The following BSCL2 variants were observed in gnomAD, a reference collection of about 807,000 sequenced individuals.
The protein encoded by BSCL2 is BSCL2 lipid droplet biogenesis associated, seipin.
BSCL2 carries 41 observed loss-of-function variants against 57.4 expected under a neutral mutation model. The ratio of observed to expected loss-of-function variants is 0.71; its 90% confidence interval spans 0.56 to 0.93. BSCL2 has a LOEUF of 0.93. BSCL2 is among the 40% of genes least tolerant of loss of function. The pLI is 0.00. For synonymous variants in BSCL2, 237 were observed against 227.3 expected, an observed-to-expected ratio of 1.04 and a Z score of -0.38; for missense variants, 539 against 586.7, an observed-to-expected ratio of 0.92 and a Z score of 0.84.
chr11:62,706,778 C>T (rs1010361761), intron 1 of BSCL2: 6 of 556,216 alleles, frequency 1.1e-5, no homozygotes, highest in Non-Finnish European at 2.1e-5. Flanking sequence ...TGCGTTGTTG[C>T]GCAGGCAGAT....
chr11:62,705,270 G>C, intron 2 of BSCL2, 31 bp downstream of exon 2: 1 of 1,565,820 alleles, frequency 6.4e-7, no homozygotes, highest in Non-Finnish European at 8.7e-7. Context: ...TCCCATAGGA[G>C]TCCTCTATTT....
At position 62,705,402 on chromosome 11, in the gene BSCL2, G is replaced by A; in HGVS notation, c.303C>T (p.Thr101=). 6.2e-7 allele frequency: 1 copy of A among 1,614,228 alleles called. No individual in the cohort carries two copies. The highest frequency in any genetic ancestry group is 1.1e-5 in the South Asian group (1 of 91,084). Residue 101 remains threonine (T), a synonymous_variant, in exon 2 of 11, where the codon ACC becomes ACT. Coordinates refer to ENST00000360796, the MANE Select transcript of BSCL2 (RefSeq NM_001122955.4). ...LLLQFGVLFC[T]ILLLLWVSVF... is the part of the protein sequence containing the mutation. Reference sequence around the variant, plus strand: ...CAGACACCCAGAGCAAAAGGAGGATGGTGCAGAAGAGCACCCCAAACTGCA... The same window carrying A: ...CAGACACCCAGAGCAAAAGGAGGATAGTGCAGAAGAGCACCCCAAACTGCA...
At chr11:62,700,710 T>C (rs879908346) in intron 3 of BSCL2, among the ~76,000 whole-genome samples, 2 of 152,048 alleles carry the variant, frequency 1.3e-5, no homozygotes, top group African/African-American at 2.4e-5. Context: ...CCCAGCACTT[T>C]TGGAGGCCGA....
In BSCL2 at chr11:62,705,927, TAGAA is replaced by T. The variant is rs1286155431; in HGVS notation, c.88-314_88-311del. On this transcript the variant is annotated intron_variant, in intron 1 of 10. Transcript: ENST00000360796. The stretch of plus-strand genomic sequence containing the variant: ...CAAAGAATAAGCACCTTACGATTCT[TAGAA>T]AGAGCTTTACACACACGGTGATACT... The T allele has an allele frequency of 5.4e-5, 18 of 335,876 alleles. No individual in the cohort carries two copies. In the East Asian group the frequency reaches 6.4e-4, roughly 12 times the overall value. The allele number at this position is 335,876 out of a possible 1,614,324, so 20.8% of individuals were successfully genotyped here.
chr11:62,691,121 G>A lies in BSCL2; in HGVS notation c.1026C>T (p.Asp342=). 1.2e-6 allele frequency: 2 copies of A among 1,614,206 alleles called. No homozygotes were observed. Among genetic ancestry groups the A allele is most frequent in the African/African-American group, 1.3e-5 (1 of 75,048 alleles). Residue 342 remains aspartate, a synonymous_variant, in exon 8 of 11, where the codon GAC becomes GAT. Coordinates refer to ENST00000360796, the MANE Select transcript of BSCL2 (RefSeq NM_001122955.4). ...TTCGTTGGACTTCCTTCCGGGAATT[G>A]TCTCTTTTTCGGATGTTAACCTGTG... The part of the protein sequence containing the change: ...FSLQVNIRKR[D]NSRKEVQRRI...
At position 62,691,289 on chromosome 11, in the gene BSCL2, G is replaced by C. The variant is rs748190546; in HGVS notation, c.996C>G (p.Phe332Leu). ...CCTTGCCCCTTTCGACCTGCAAAGA[G>C]AAGCGGTGTCGGGGCCAGATGCCCC... ...VWGGIWPRHR[F>L]SLQVNIRKRD... is the part of the protein sequence containing the mutation. The change falls in exon 7 of 11, where the codon TTC becomes TTG. Residue 332 changes from phenylalanine to leucine, a missense_variant. Physicochemically the swap from Phe to Leu is conservative, Grantham distance 22 (BLOSUM62 0). Around this residue, in one of 3 missense-constraint regions of BSCL2, gnomAD observed 248 missense variants for 239.9 expected, o/e 1.03. Coordinates refer to ENST00000360796, the MANE Select transcript of BSCL2 (RefSeq NM_001122955.4). 6.2e-7 allele frequency: 1 copy of C among 1,614,166 alleles called. No individual in the cohort carries two copies. The highest frequency in any genetic ancestry group is 1.1e-5 in the South Asian group (1 of 91,086).
At chr11:62,691,779 G>A (rs899680130) in intron 6 of BSCL2, among the ~76,000 whole-genome samples, 10 of 152,140 alleles carry the variant, frequency 6.6e-5, no homozygotes, top group African/African-American at 1.4e-4. Context: ...GGCCGGACGC[G>A]GTGGCTCACG....
chr11:62,696,437 G>A (rs576577169), intron 3 of BSCL2, among the ~76,000 whole-genome samples: 84 of 151,238 alleles, frequency 5.6e-4, no homozygotes, highest in African/African-American at 2.0e-3. Context: ...GGGACCATAC[G>A]GACTATAGGC....
chr11:62,696,313 T>TGTGTGTGA (rs925519812), intron 3 of BSCL2, among the ~76,000 whole-genome samples: 1 of 151,304 alleles, frequency 6.6e-6, no homozygotes, highest in Non-Finnish European at 1.5e-5. Context: ...TGTGTGTGTG[T>TGTGTGTGA]GAAGACAAGG....
At chr11:62,694,246 C>T (rs1180867161) in intron 4 of BSCL2, among the ~76,000 whole-genome samples, 1 of 127,276 alleles carries the variant, frequency 7.9e-6, no homozygotes, top group East Asian at 2.3e-4. Flanking sequence ...CTCTGTTGCC[C>T]AGGAGGGAGA....
intron 3 of BSCL2, among the ~76,000 whole-genome samples, chr11:62,695,678 T>G (rs1945436348): frequency 7.7e-6 from 1 of 129,408 alleles, no homozygotes; most frequent in Admixed American, 9.9e-5. Flanking sequence ...GCCATTGCAC[T>G]GCAGCCTGGG....
rs1047788503 is a variant in BSCL2 at position 62,705,152 on chromosome 11, T to C, written c.404+149A>G. 29 of 762,246 alleles carry C rather than the reference T, an allele frequency of 3.8e-5. No homozygotes were observed. In the African/African-American group the frequency reaches 4.6e-4, roughly 12 times the overall value. The allele number at this position is 762,246 out of a possible 1,614,324, so 47.2% of individuals were successfully genotyped here. On this transcript the variant is annotated intron_variant, in intron 2 of 10. Transcript: ENST00000360796. ...AACCCTAGCCCTGGCAACCCAAATCTAGCCTTGGGCTGTGAAAGTTGAGAG... is the reference window on the plus strand; with the variant it reads ...AACCCTAGCCCTGGCAACCCAAATCCAGCCTTGGGCTGTGAAAGTTGAGAG...
upstream of BSCL2, chr11:62,707,634 C>G (rs560416030): frequency 4.1e-6 from 2 of 484,124 alleles, no homozygotes; most frequent in African/African-American, 3.9e-5. Context: ...TAGGCTCCCC[C>G]ACTGGCCAGG....
intron 2 of BSCL2, among the ~76,000 whole-genome samples, chr11:62,703,056 A>T (rs1419916668): frequency 6.6e-6 from 1 of 151,936 alleles, no homozygotes; most frequent in Non-Finnish European, 1.5e-5. Context: ...ACGCTGAGGC[A>T]GAAGAATCGC....
At chr11:62,698,712 T>C (rs1412759130) in intron 3 of BSCL2, among the ~76,000 whole-genome samples, 1 of 152,164 alleles carries the variant, frequency 6.6e-6, no homozygotes, top group African/African-American at 2.4e-5. Context: ...ATCAGGGACA[T>C]GGGCTGAATT....
At chr11:62,708,997 C>T (rs917611903), upstream of BSCL2, 32 of 586,236 alleles carry the variant, frequency 5.5e-5, no homozygotes, top group Non-Finnish European at 1.5e-5. Context: ...CCTTTGTGGC[C>T]GACCCCAAGC....
In BSCL2 at chr11:62,692,735, G is replaced by A. The variant is rs899302880; in HGVS notation, c.693C>T (p.Leu231=). The change falls in exon 5 of 11, where the codon CTC becomes CTT. Residue 231 remains leucine, a synonymous_variant. Transcript: ENST00000360796. Reference sequence around the variant, plus strand: ...TCTGCTCTGCAAAGCCAAATAGCAGGAGGCTAGAGAAGACCAGTGTGTCCA... The same window carrying A: ...TCTGCTCTGCAAAGCCAAATAGCAGAAGGCTAGAGAAGACCAGTGTGTCCA... ...QMLDTLVFSS[L]LLFGFAEQKQ... 4 of 1,614,030 alleles carry A rather than the reference G, an allele frequency of 2.5e-6. No individual in the cohort carries two copies. The highest frequency in any genetic ancestry group is 2.7e-5 in the African/African-American group (2 of 74,934).
intron 6 of BSCL2, 107 bp from the exon 7 acceptor site, chr11:62,691,528 A>C: frequency 7.2e-7 from 1 of 1,390,386 alleles, no homozygotes; most frequent in Non-Finnish European, 1.0e-6. Flanking sequence ...GTTTGGTTAC[A>C]GCTGGCTCTG....
chr11:62,705,363 G>T lies in BSCL2; in HGVS notation c.342C>A (p.Gly114=). 1.2e-6 allele frequency: 2 copies of T among 1,614,122 alleles called. No individual in the cohort carries two copies. Among genetic ancestry groups the T allele is most frequent in the Non-Finnish European group, 1.7e-6 (2 of 1,179,980 alleles). The change falls in exon 2 of 11, where the codon GGC becomes GGA. Residue 114 remains glycine, a synonymous_variant. Coordinates refer to ENST00000360796, the MANE Select transcript of BSCL2 (RefSeq NM_001122955.4). Reference sequence around the variant, plus strand: ...TCGGCATATAGGAATAGTAGAAGGAGCCATAGAGGAAGACAGACACCCAGA... The same window carrying T: ...TCGGCATATAGGAATAGTAGAAGGATCCATAGAGGAAGACAGACACCCAGA... ...LLLWVSVFLY[G]SFYYSYMPTV...
Sources: allele counts gnomAD v4.1 joint callset (sites outside exome capture counted in the v4.1 genomes callset), GRCh38; gene constraint gnomAD v4.1.1; regional missense constraint gnomAD v4.1.1; transcripts MANE v1.5; gene names NCBI Gene and HGNC (gene_info 2026-07-23, HGNC 2026-07-21).